ESPL1: variants seen among roughly 807,000 people sequenced by gnomAD.
ESPL1 encodes the protein separin.
In ESPL1, 50 loss-of-function variants were observed where a neutral mutation model predicts 217.2. That is an observed-to-expected ratio of 0.23 (90% CI 0.18 to 0.29). ESPL1 has a LOEUF of 0.29. ESPL1 is among the 10% of genes least tolerant of loss of function. ESPL1 has a pLI of 1.00. For missense variants in ESPL1, 1,834 were observed against 2,603.0 expected (o/e 0.70, Z 6.43); for synonymous variants, 994 against 1,081.3 (o/e 0.92, Z 1.58).
chr12:53,274,943 C>A lies in ESPL1; in HGVS notation c.1633C>A (p.Pro545Thr). Residue 545 changes from proline to threonine, a missense_variant, in exon 7 of 31, where the codon CCA becomes ACA. Physicochemically the swap from Pro to Thr is conservative, Grantham distance 38. Coordinates refer to ENST00000257934, the MANE Select transcript of ESPL1 (RefSeq NM_012291.5). Reference protein sequence around the residue: ...QPCSPEHMAEPVTFWVRVKMD... With the variant: ...QPCSPEHMAETVTFWVRVKMD... ...CTGTAGCCCTGAACACATGGCTGAG[C>A]CAGTCACTTTCTGGGTTCGGGTCAA... The A allele has an allele frequency of 1.3e-6, 2 of 1,596,648 alleles. No individual in the cohort carries two copies. The highest frequency in any genetic ancestry group is 1.8e-5 in the Admixed American group (1 of 56,964).
chr12:53,277,282 T>C (rs761739729), intron 9 of ESPL1, 55 bp downstream of exon 9: 22 of 1,565,496 alleles, frequency 1.4e-5, no homozygotes, highest in Admixed American at 1.9e-5. Flanking sequence ...TTACTGTCCC[T>C]GGGCCCCCAA....
At chr12:53,277,046 ATAG>A (rs1215891487) in intron 8 of ESPL1, 34 bp from the exon 9 acceptor site, 1 of 1,602,074 alleles carries the variant, frequency 6.2e-7, no homozygotes, top group African/African-American at 1.3e-5. Flanking sequence ...GCAGATACTC[ATAG>A]TAGGCCCAGC....
rs1943871602 is a variant in ESPL1, at chr12:53,282,095, T to C, written c.2620-169T>C. The stretch of plus-strand genomic sequence containing the variant: ...TACTGCTTCTCAGGGTCAGGAACAT[T>C]CTGCCTAGGTCCAGGGAGATCTCGA... On this transcript the variant is annotated intron_variant, in intron 13 of 30. Coordinates refer to ENST00000257934, the MANE Select transcript of ESPL1 (RefSeq NM_012291.5). The surrounding 1 kb of genome is among the most constrained non-coding windows in gnomAD (Gnocchi z 4.0). Among the ~76,000 whole-genome samples the C allele has an allele frequency of 6.6e-6, 1 of 152,132 alleles. No homozygotes were observed. Among genetic ancestry groups the C allele is most frequent in the Admixed American group, 6.5e-5 (1 of 15,268 alleles).
At chr12:53,284,997 C>T (rs796829566) in intron 17 of ESPL1, among the ~76,000 whole-genome samples, 2 of 105,226 alleles carry the variant, frequency 1.9e-5, no homozygotes, top group Non-Finnish European at 3.6e-5. Flanking sequence ...GGTGACAGTG[C>T]GAGACTCTGA....
rs545594149 is a variant in ESPL1 at position 53,276,780 on chromosome 12, G to A, written c.1861G>A (p.Gly621Arg). 1.4e-5 allele frequency: 22 copies of A among 1,613,812 alleles called. No individual in the cohort carries two copies. The highest frequency in any genetic ancestry group is 1.8e-5 in the Non-Finnish European group (21 of 1,179,944). The change falls in exon 8 of 31, where the codon GGG becomes AGG. Residue 621 changes from glycine (G) to arginine (R), a missense_variant. Physicochemically the swap from Gly to Arg is moderately radical, Grantham distance 125. This residue lies in a region of ESPL1 where 746 missense variants were observed against 1,077.0 expected (regional missense o/e 0.69). Transcript: ENST00000257934. ...GCTGAGCCCCGAGGAGACACCAGCC[G>A]GGGCCTGGGCACGAGCCACCCACCT... ...LELSPEETPAGAWARATHLVE... is the reference protein window; with the variant it reads ...LELSPEETPARAWARATHLVE...
rs1046115697 is a variant in ESPL1, at chr12:53,274,935, T to C, written c.1625T>C (p.Met542Thr). ...AALQPCSPEH[M>T]AEPVTFWVRV... ...CTGCAACCCTGTAGCCCTGAACACA[T>C]GGCTGAGCCAGTCACTTTCTGGGTT... Residue 542 changes from methionine to threonine, a missense_variant, in exon 7 of 31, where the codon ATG becomes ACG. By Grantham distance (81) the Met-to-Thr change is moderately conservative (BLOSUM62 -1). This residue lies in a region of ESPL1 where 746 missense variants were observed against 1,077.0 expected (regional missense o/e 0.69). Transcript: ENST00000257934. The C allele has an allele frequency of 5.0e-6, 8 of 1,600,376 alleles. No homozygotes were observed. The highest frequency in any genetic ancestry group is 6.8e-6 in the Non-Finnish European group (8 of 1,174,070).
At chr12:53,278,111 C>A in intron 11 of ESPL1, 151 bp downstream of exon 11, 1 of 849,754 alleles carries the variant, frequency 1.2e-6, no homozygotes, top group Non-Finnish European at 1.8e-6. Context: ...ATTTTAAATC[C>A]AAGCTCCCTC....
intron 14 of ESPL1, 75 bp from the exon 15 acceptor site, chr12:53,283,054 G>A (rs1592489067): frequency 6.3e-7 from 1 of 1,589,706 alleles, no homozygotes. Flanking sequence ...TGGGAAGCAG[G>A]CTTTGCTGCC....
Position 53,292,446 on chromosome 12 carries a change from G to C in ESPL1, c.5912+53G>C. 2.8e-6 allele frequency: 4 copies of C among 1,439,398 alleles called. No homozygotes were observed. The South Asian group carries it at 4.6e-5, about 16-fold the overall frequency. 89.2% of individuals were successfully genotyped at this position (1,439,398 alleles called of 1,614,324 possible). ...GTGGGGAAGGGTAGACAACATACAG[G>C]GGCAACAAGCCTTTTCTCCAGAAAC... On this transcript the variant is annotated intron_variant, in intron 28 of 30. Coordinates refer to ENST00000257934, the MANE Select transcript of ESPL1 (RefSeq NM_012291.5). This position sits in a 1 kb window ranked among gnomAD's most constrained non-coding sequence, Gnocchi z 4.5.
In ESPL1 at chr12:53,277,568, C is replaced by T. The variant is rs769929119; in HGVS notation, c.2184C>T (p.Phe728=). Residue 728 remains phenylalanine (F), a synonymous_variant, in exon 10 of 31, where the codon TTC becomes TTT. Coordinates refer to ENST00000257934, the MANE Select transcript of ESPL1 (RefSeq NM_012291.5). ...AAGATAAACTCCAGGAAGATCGTTT[C>T]CTATACAGTAACATTGCCTTCAACC... is the stretch of plus-strand genomic sequence containing the variant. The part of the protein sequence containing the change: ...NYEDKLQEDR[F]LYSNIAFNLA... 9.9e-6 allele frequency: 16 copies of T among 1,614,016 alleles called. No individual in the cohort carries two copies. Among genetic ancestry groups the T allele is most frequent in the Middle Eastern group, 1.6e-4 (1 of 6,082 alleles).
chr12:53,275,156 T>A (rs958872225), intron 7 of ESPL1, 146 bp downstream of exon 7: 1 of 619,266 alleles, frequency 1.6e-6, no homozygotes, highest in Non-Finnish European at 2.7e-6. Flanking sequence ...AAAAATTAGC[T>A]GGGCATTGGC....
chr12:53,276,157 G>T (rs972582373), intron 7 of ESPL1, among the ~76,000 whole-genome samples: 1 of 152,020 alleles, frequency 6.6e-6, no homozygotes, highest in Non-Finnish European at 1.5e-5. Context: ...GTAGTGAACC[G>T]TGATCACGCT....
At chr12:53,291,306 A>AG (rs1467826583) in intron 25 of ESPL1, among the ~76,000 whole-genome samples, 2 of 151,096 alleles carry the variant, frequency 1.3e-5, no homozygotes, top group Middle Eastern at 3.2e-3. Flanking sequence ...CAAAAAAAAA[A>AG]AAAAGGATAG....
At chr12:53,287,801 A>G in intron 18 of ESPL1, 171 bp from the exon 19 acceptor site, 1 of 590,522 alleles carries the variant, frequency 1.7e-6, no homozygotes, top group Non-Finnish European at 2.9e-6. Flanking sequence ...CACACCCAAG[A>G]GTCGCTGCCC....
At chr12:53,279,650 G>A in intron 11 of ESPL1, 82 bp from the exon 12 acceptor site, 1 of 1,574,620 alleles carries the variant, frequency 6.4e-7, no homozygotes. Flanking sequence ...TACAGTCCAA[G>A]GTCCCAAAGG....
Position 53,272,774 on chromosome 12 carries a change from G to C in ESPL1, c.1423G>C (p.Glu475Gln). ...CTTCTATAGTCACAAGCTCTATGCC[G>C]AGGCCTGTGCCATCTCTGAGCCGCT... is the stretch of plus-strand genomic sequence containing the variant. ...YSFYSHKLYA[E>Q]ACAISEPLCQ... The change falls in exon 6 of 31, where the codon GAG (glutamate) becomes CAG (glutamine). Residue 475 changes from glutamate to glutamine, a missense_variant. By Grantham distance (29) the Glu-to-Gln change is conservative. Coordinates refer to ENST00000257934, the MANE Select transcript of ESPL1 (RefSeq NM_012291.5). 1 of 1,614,124 alleles carries C rather than the reference G, an allele frequency of 6.2e-7. No homozygotes were observed. Among genetic ancestry groups the C allele is most frequent in the Non-Finnish European group, 8.5e-7 (1 of 1,180,028 alleles).
In ESPL1 at chr12:53,291,803, A is replaced by T; in HGVS notation, c.5634A>T (p.Gly1878=). ...AGGAGCTCCTGAATGAGGCAGTAGG[A>T]CGTCTACAGGGCCTGACAGTACCAA... ...RAQELLNEAV[G]RLQGLTVPSN... Residue 1878 remains glycine, a synonymous_variant, in exon 26 of 31, where the codon GGA becomes GGT. Transcript: ENST00000257934. 1 of 1,607,460 alleles carries T rather than the reference A, an allele frequency of 6.2e-7. No individual in the cohort carries two copies. Among genetic ancestry groups the T allele is most frequent in the South Asian group, 1.1e-5 (1 of 90,060 alleles).
rs1299201249 is a variant in ESPL1, at chr12:53,290,905, G to A, written c.5429G>A (p.Ser1810Asn). The A allele has an allele frequency of 6.2e-7, 1 of 1,607,902 alleles. No homozygotes were observed. Among genetic ancestry groups the A allele is most frequent in the South Asian group, 1.1e-5 (1 of 89,810 alleles). Residue 1810 changes from serine to asparagine, a missense_variant, in exon 25 of 31, where the codon AGT (serine) becomes AAT (asparagine). By Grantham distance (46) the Ser-to-Asn change is conservative (BLOSUM62 1). This residue lies in a region of ESPL1 where 295 missense variants were observed against 519.8 expected (regional missense o/e 0.57). Coordinates refer to ENST00000257934, the MANE Select transcript of ESPL1 (RefSeq NM_012291.5). ...GCWKGLLLPS[S>N]EEPGPAQEAS... The stretch of plus-strand genomic sequence containing the variant: ...TGGAAGGGGCTGCTGCTGCCGTCCA[G>A]TGAGGAGCCCGGCCCTGCCCAGGAG...
At chr12:53,289,024 T>C in intron 20 of ESPL1, 66 bp from the exon 21 acceptor site, 2 of 1,296,830 alleles carry the variant, frequency 1.5e-6, no homozygotes, top group Non-Finnish European at 2.2e-6. Flanking sequence ...TGTTCCTTCT[T>C]GGAAAGTTCC....
Sources: gnomAD v4.1 joint callset for allele counts (sites outside exome capture counted in the v4.1 genomes callset) on GRCh38, gnomAD v4.1.1 for gene constraint, gnomAD v4.1.1 regional missense constraint, Gnocchi (gnomAD v3.1) non-coding constraint, MANE v1.5 for transcripts, NCBI Gene and HGNC (gene_info 2026-07-23, HGNC 2026-07-21) for gene names.